Variants in ITIH5 observed in about 807,000 individuals in gnomAD.
The protein encoded by ITIH5 is inter-alpha-trypsin inhibitor heavy chain H5.
ITIH5 carries 65 observed loss-of-function variants against 77.5 expected under a neutral mutation model. That is an observed-to-expected ratio of 0.84 (90% CI 0.69 to 1.03). ITIH5 has a LOEUF of 1.03. Among genes scored for constraint, ITIH5 ranks in the 50% least tolerant of loss-of-function variants. ITIH5 has a pLI of 0.00. For synonymous variants in ITIH5, 525 were observed against 494.3 expected (o/e 1.06, Z -0.82); for missense variants, 1,208 against 1,213.1 (o/e 1.00, Z 0.06).
chr10:7,566,556 T>C, intron 12 of ITIH5, 149 bp from the exon 13 acceptor site: 1 of 666,138 alleles, frequency 1.5e-6, no homozygotes, highest in Non-Finnish European at 2.5e-6. Flanking sequence ...AGAGACCCCA[T>C]CTCTACTAAA....
At chr10:7,666,656 C>A in intron 1 of ITIH5, 147 bp downstream of exon 1, 2 of 591,906 alleles carry the variant, frequency 3.4e-6, no homozygotes, top group Non-Finnish European at 5.8e-6. Context: ...AGGTGACGCA[C>A]GAGTGACCCA....
chr10:7,649,430 CTA>C (rs972575865), intron 2 of ITIH5, among the ~76,000 whole-genome samples: 2 of 151,068 alleles, frequency 1.3e-5, no homozygotes, highest in African/African-American at 4.9e-5. Context: ...TAGAGGAAAA[CTA>C]TATATATATA....
chr10:7,601,864 T>C (rs74482966), intron 7 of ITIH5, among the ~76,000 whole-genome samples: 5,305 of 152,248 alleles, frequency 0.035, 311 homozygotes, highest in African/African-American at 0.12. Context: ...GTTTTTGTTT[T>C]GTTTTTGAGA....
chr10:7,572,365 G>GA (rs1438455966), intron 11 of ITIH5: 14 of 1,366,932 alleles, frequency 1.0e-5, no homozygotes, highest in Non-Finnish European at 1.4e-5. Context: ...CATGACATTT[G>GA]AAAAAATCTG....
intron 7 of ITIH5, among the ~76,000 whole-genome samples, chr10:7,608,614 A>C (rs1564257910): frequency 1.3e-5 from 2 of 152,160 alleles, no homozygotes; most frequent in Non-Finnish European, 1.5e-5. Context: ...TGGCAGACCC[A>C]CATAGTCTGA....
intron 10 of ITIH5, among the ~76,000 whole-genome samples, chr10:7,576,130 T>G (rs7912590): frequency 0.21 from 32,170 of 152,054 alleles, 3,608 homozygotes; most frequent in African/African-American, 0.27. Flanking sequence ...GCTCCAGTGA[T>G]CCTCCTTCCT....
rs1170717420 is a variant in ITIH5 at position 7,566,379 on chromosome 10, C to T, written c.2178G>A (p.Gly726=). The T allele has an allele frequency of 5.6e-6, 9 of 1,601,952 alleles. No homozygotes were observed. Among genetic ancestry groups the T allele is most frequent in the Non-Finnish European group, 6.8e-6 (8 of 1,170,122 alleles). ...TGTGGCCATTTGGAGGGGCGGGTGCCCCAATTAACTCTCCGTTCACTGTGA... is the reference window on the plus strand; with the variant it reads ...TGTGGCCATTTGGAGGGGCGGGTGCTCCAATTAACTCTCCGTTCACTGTGA... ...SGVTVNGELI[G]APAPPNGHKK... is the part of the protein sequence containing the mutation. Residue 726 remains glycine, a synonymous_variant, in exon 13 of 14, where the codon GGG becomes GGA. Coordinates refer to ENST00000397146, the MANE Select transcript of ITIH5 (RefSeq NM_030569.7).
rs543830673 is a variant in ITIH5, at chr10:7,623,353, G to A, written c.653-6071C>T. 8.5e-5 allele frequency among the ~76,000 whole-genome samples: 13 copies of A among 152,306 alleles called. No homozygotes were observed. In the South Asian group the frequency reaches 2.7e-3, roughly 32 times the overall value. ...CCCTGCTTACCTGGGATCCAACGAG[G>A]CAATTTCTTAAATATATGGAGGTCA... On this transcript the variant is annotated intron_variant, in intron 5 of 13. Transcript: ENST00000397146.
At chr10:7,615,802 C>T (rs578239507) in intron 7 of ITIH5, among the ~76,000 whole-genome samples, 180 bp downstream of exon 7, 122 of 152,318 alleles carry the variant, frequency 8.0e-4, no homozygotes, top group African/African-American at 1.1e-3. Context: ...AAAACCACCA[C>T]GCTGAAATAC....
intron 2 of ITIH5, among the ~76,000 whole-genome samples, chr10:7,651,898 G>C (rs1834107130): frequency 6.6e-6 from 1 of 152,054 alleles, no homozygotes. Flanking sequence ...CCTGCCTCCA[G>C]GGATCTGTGA....
At chr10:7,580,589 G>A (rs1341488218) in intron 8 of ITIH5, among the ~76,000 whole-genome samples, 1 of 152,210 alleles carries the variant, frequency 6.6e-6, no homozygotes, top group Admixed American at 6.5e-5. Flanking sequence ...GGCATGTGGC[G>A]ACGCCTTAGC....
At chr10:7,573,470 C>G (rs139742001) in intron 10 of ITIH5, among the ~76,000 whole-genome samples, 1 of 150,568 alleles carries the variant, frequency 6.6e-6, no homozygotes, top group Admixed American at 6.6e-5. Flanking sequence ...AGTTCGAGAC[C>G]GGCCTGGGCA....
chr10:7,618,009 T>A (rs1288139818), intron 5 of ITIH5: 1 of 151,856 alleles, frequency 6.6e-6, no homozygotes, highest in East Asian at 1.9e-4. Context: ...TGAGACAGCG[T>A]CTCAATCTGT....
intron 5 of ITIH5, among the ~76,000 whole-genome samples, chr10:7,626,302 C>T (rs1257803388): frequency 6.6e-6 from 1 of 152,216 alleles, no homozygotes; most frequent in African/African-American, 2.4e-5. Context: ...CTCTGTGCCA[C>T]ACTCTTGGGT....
chr10:7,597,739 G>A (rs932217203), intron 7 of ITIH5, among the ~76,000 whole-genome samples: 7 of 152,200 alleles, frequency 4.6e-5, no homozygotes, highest in Non-Finnish European at 1.0e-4. Context: ...GGCTCTGGGT[G>A]TCCACTAAGC....
chr10:7,576,774 C>T lies in ITIH5; in HGVS notation c.1657G>A (p.Gly553Arg). The T allele has an allele frequency of 6.2e-7, 1 of 1,614,226 alleles. No homozygotes were observed. The highest frequency in any genetic ancestry group is 2.2e-5 in the East Asian group (1 of 44,878). ...CTGGGGCTTCCTGTGACATCTTTCC[C>T]TGCCTTCTGAGGCCGCACAGGCACA... The part of the protein sequence containing the change: ...TDVPVRPQKA[G>R]KDVTGSPRPG... Residue 553 changes from glycine (G) to arginine (R), a missense_variant, in exon 10 of 14, where the codon GGG becomes AGG. Coordinates refer to ENST00000397146, the MANE Select transcript of ITIH5 (RefSeq NM_030569.7).
chr10:7,582,044 T>G (rs1333995498), intron 8 of ITIH5, among the ~76,000 whole-genome samples: 2 of 151,476 alleles, frequency 1.3e-5, no homozygotes, highest in East Asian at 3.9e-4. Flanking sequence ...CCTGGCTAAT[T>G]TTTGTACTTT....
In ITIH5 at chr10:7,645,897, C is replaced by T. The variant is rs554947564; in HGVS notation, c.136-3807G>A. On this transcript the variant is annotated intron_variant, in intron 2 of 13. Transcript: ENST00000397146. ...ATGATAATGATAATGATCTTAACAG[C>T]ATGACAACCTGTGGGGTTTTTTTTA... Among the ~76,000 whole-genome samples the T allele has an allele frequency of 6.6e-5, 10 of 152,266 alleles. No individual in the cohort carries two copies. In the East Asian group the frequency reaches 1.9e-3, roughly 29 times the overall value.
chr10:7,594,944 G>T (rs771887458), intron 7 of ITIH5, among the ~76,000 whole-genome samples: 2 of 152,210 alleles, frequency 1.3e-5, no homozygotes, highest in Non-Finnish European at 2.9e-5. Flanking sequence ...AGGCCCTTCG[G>T]GTTTCCCCTG....
Sources: allele counts gnomAD v4.1 joint callset (sites outside exome capture counted in the v4.1 genomes callset), GRCh38; gene constraint gnomAD v4.1.1; transcripts MANE v1.5; gene names NCBI Gene and HGNC (gene_info 2026-07-23, HGNC 2026-07-21).